The following RNF44 variants were observed in gnomAD, a reference collection of about 807,000 sequenced individuals.
RNF44 encodes ring finger protein 44.
Under a neutral mutation model 53.6 loss-of-function variants are expected in RNF44, and 25 were observed. The ratio of observed to expected loss-of-function variants is 0.47; its 90% confidence interval spans 0.34 to 0.65. RNF44 has a LOEUF of 0.65. Ranked by LOEUF, RNF44 falls within the 30% of genes least tolerant of loss-of-function variation. RNF44 has a pLI of 0.01. For synonymous variants in RNF44, 282 were observed against 252.2 expected (o/e 1.12, Z -1.12); for missense variants, 581 against 595.5 (o/e 0.98, Z 0.25).
At chr5:176,537,795 C>T (rs889484553), upstream of RNF44, 3 of 152,244 alleles carry the variant, frequency 2.0e-5, no homozygotes, top group Non-Finnish European at 4.4e-5. Flanking sequence ...ATGGGTCTGA[C>T]CTCTGACGGG....
Position 176,533,149 on chromosome 5 carries a change from G to C in RNF44, c.-44-633C>G, listed in dbSNP as rs1034321036. On this transcript the variant is annotated intron_variant, in intron 1 of 10. Coordinates refer to ENST00000274811, the MANE Select transcript of RNF44 (RefSeq NM_014901.5). ...AACTTGGCCTCCAGGCGGCAGCTGG[G>C]GGTTCCTGAGGAGGGTCCACATCCT... Among the ~76,000 whole-genome samples, 3 of 152,192 alleles carry C rather than the reference G, an allele frequency of 2.0e-5. No homozygotes were observed. In the East Asian group the frequency reaches 5.8e-4, roughly 29 times the overall value.
chr5:176,528,757 G>A lies in RNF44; in HGVS notation c.*271C>T, dbSNP rs951585225. On this transcript the variant is annotated 3_prime_UTR_variant, in exon 11 of 11. Transcript: ENST00000274811. ...CAGCAGGAAAAGGAGGGACCTGAGG[G>A]TGCACAGGAGGGAGACCCGATCAGG... The A allele has an allele frequency of 2.8e-5, 15 of 543,510 alleles. No homozygotes were observed. In the Admixed American group the frequency reaches 4.1e-4, roughly 15 times the overall value. 33.7% of individuals were successfully genotyped at this position (543,510 alleles called of 1,614,324 possible). A position where few individuals can be genotyped will look rare whatever the true frequency, so the allele number is the denominator to read the frequency against.
Position 176,531,403 on chromosome 5 carries a change from C to T in RNF44, c.465+60G>A, listed in dbSNP as rs1377177783. On this transcript the variant is annotated intron_variant, in intron 4 of 10. Transcript: ENST00000274811. This position sits in a 1 kb window ranked among gnomAD's most constrained non-coding sequence, Gnocchi z 4.2. The stretch of plus-strand genomic sequence containing the variant: ...TCAGGGCTGCCCTGGGCCCGCTGAG[C>T]CGCTGGCCTGTGCCTGGGGCTTGCA... The T allele has an allele frequency of 4.7e-6, 7 of 1,499,684 alleles. No homozygotes were observed. Among genetic ancestry groups the T allele is most frequent in the South Asian group, 1.3e-5 (1 of 78,448 alleles). The allele number at this position is 1,499,684 out of a possible 1,614,324, so 92.9% of individuals were successfully genotyped here.
upstream of RNF44, among the ~76,000 whole-genome samples, chr5:176,542,126 C>A (rs541394911): frequency 6.6e-6 from 1 of 152,292 alleles, no homozygotes; most frequent in East Asian, 1.9e-4. Context: ...AGTTTTGAGA[C>A]CTTGGGTGAG....
At position 176,528,768 on chromosome 5, in the gene RNF44, G is replaced by C; in HGVS notation, c.*260C>G. ...GGAGGGACCTGAGGGTGCACAGGAGGGAGACCCGATCAGGGACACTCAGGC... is the reference window on the plus strand; with the variant it reads ...GGAGGGACCTGAGGGTGCACAGGAGCGAGACCCGATCAGGGACACTCAGGC... On this transcript the variant is annotated 3_prime_UTR_variant, in exon 11 of 11. Transcript: ENST00000274811. The C allele has an allele frequency of 1.8e-6, 1 of 564,510 alleles. No homozygotes were observed. The allele number at this position is 564,510 out of a possible 1,614,324, so 35.0% of individuals were successfully genotyped here.
chr5:176,538,158 G>T (rs1164036411), upstream of RNF44: 1 of 152,236 alleles, frequency 6.6e-6, no homozygotes, highest in Non-Finnish European at 1.5e-5. Flanking sequence ...GGCGCTGGGC[G>T]CTCTAGCTGC....
rs954798046 is a variant in RNF44, at chr5:176,537,394, T to C, written c.-499A>G. 6.6e-6 allele frequency: 1 copy of C among 152,034 alleles called. No homozygotes were observed. Among genetic ancestry groups the C allele is most frequent in the Non-Finnish European group, 1.5e-5 (1 of 67,964 alleles). The allele number at this position is 152,034 out of a possible 1,614,324, so 9.4% of individuals were successfully genotyped here. ...GAGGCTCCGGCAAACAGTAGCCCGC[T>C]GCAAGCCCGCAGGGGCCCCGCCCCG... is the stretch of plus-strand genomic sequence containing the variant. On this transcript the variant is annotated 5_prime_UTR_variant, in exon 1 of 11. Coordinates refer to ENST00000274811, the MANE Select transcript of RNF44 (RefSeq NM_014901.5).
rs1757295208 is a variant in RNF44, at chr5:176,537,393, C to G, written c.-498G>C. 1 of 152,114 alleles carries G rather than the reference C, an allele frequency of 6.6e-6. No homozygotes were observed. The highest frequency in any genetic ancestry group is 1.5e-5 in the Non-Finnish European group (1 of 67,990). 9.4% of individuals were successfully genotyped at this position (152,114 alleles called of 1,614,324 possible). A position where few individuals can be genotyped will look rare whatever the true frequency, so the allele number is the denominator to read the frequency against. Reference sequence around the variant, plus strand: ...GGAGGCTCCGGCAAACAGTAGCCCGCTGCAAGCCCGCAGGGGCCCCGCCCC... The same window carrying G: ...GGAGGCTCCGGCAAACAGTAGCCCGGTGCAAGCCCGCAGGGGCCCCGCCCC... On this transcript the variant is annotated 5_prime_UTR_variant, in exon 1 of 11. Coordinates refer to ENST00000274811, the MANE Select transcript of RNF44 (RefSeq NM_014901.5).
At chr5:176,538,425 C>T (rs1178073001), upstream of RNF44, among the ~76,000 whole-genome samples, 1 of 152,124 alleles carries the variant, frequency 6.6e-6, no homozygotes, top group Non-Finnish European at 1.5e-5. Context: ...TCCTTTGCCT[C>T]GAAGCCCACC....
chr5:176,537,909 T>G (rs1035665771), upstream of RNF44: 2 of 152,162 alleles, frequency 1.3e-5, no homozygotes, highest in South Asian at 2.1e-4. Context: ...GCTGACATCA[T>G]GGCCCGGCCG....
chr5:176,536,197 G>A (rs1757156055), intron 1 of RNF44: 1 of 152,272 alleles, frequency 6.6e-6, no homozygotes, highest in Non-Finnish European at 1.5e-5. Context: ...GGTGCCTGGA[G>A]GCCGCTGAGG....
chr5:176,539,847 T>C (rs892903607), upstream of RNF44, among the ~76,000 whole-genome samples: 2 of 152,126 alleles, frequency 1.3e-5, no homozygotes, highest in Non-Finnish European at 2.9e-5. Context: ...TGCCCGAACT[T>C]TTCAGGCTCG....
At chr5:176,539,566 T>C (rs1425080272), upstream of RNF44, among the ~76,000 whole-genome samples, 1 of 152,108 alleles carries the variant, frequency 6.6e-6, no homozygotes, top group African/African-American at 2.4e-5. Flanking sequence ...CATGCACTTG[T>C]AGTCCCAGCC....
At chr5:176,533,119 G>A (rs756091476) in intron 1 of RNF44, among the ~76,000 whole-genome samples, 26 of 152,178 alleles carry the variant, frequency 1.7e-4, no homozygotes, top group Non-Finnish European at 2.6e-4. Context: ...TACACCAGGG[G>A]CTACAACTTG....
chr5:176,530,871 G>T lies in RNF44; in HGVS notation c.616C>A (p.Leu206Met). Reference protein sequence around the residue: ...HMAPLGQFVSLQTQHPRMPLQ... With the variant: ...HMAPLGQFVSMQTQHPRMPLQ... ...ACCATCCGAGGGTGCTGGGTCTGCA[G>T]AGACACAAACTGCCCCAGGGGCGCC... Residue 206 changes from leucine to methionine, a missense_variant, in exon 5 of 11, where the codon CTG becomes ATG. Leu to Met is a conservative substitution (Grantham distance 15, BLOSUM62 2). This residue lies in a region of RNF44 where 387 missense variants were observed against 366.0 expected (regional missense o/e 1.06). Coordinates refer to ENST00000274811, the MANE Select transcript of RNF44 (RefSeq NM_014901.5). 1 of 1,052,702 alleles carries T rather than the reference G, an allele frequency of 9.5e-7. No homozygotes were observed. The allele number at this position is 1,052,702 out of a possible 1,614,324, so 65.2% of individuals were successfully genotyped here. A position where few individuals can be genotyped will look rare whatever the true frequency, so the allele number is the denominator to read the frequency against.
At chr5:176,542,936 G>A (rs1048475845), upstream of RNF44, among the ~76,000 whole-genome samples, 19 of 152,230 alleles carry the variant, frequency 1.2e-4, no homozygotes, top group African/African-American at 4.6e-4. Context: ...CCGGCTCGCG[G>A]TGCCGGACGC....
Position 176,528,550 on chromosome 5 carries a change from T to C in RNF44, c.*478A>G. ...GGGTCAAGGAGGGGGGATTCAGCCC[T>C]GGGGCTCAGGAAATGGCTCGTGACA... On this transcript the variant is annotated 3_prime_UTR_variant, in exon 11 of 11. Coordinates refer to ENST00000274811, the MANE Select transcript of RNF44 (RefSeq NM_014901.5). 1 of 163,212 alleles carries C rather than the reference T, an allele frequency of 6.1e-6. No individual in the cohort carries two copies. Among genetic ancestry groups the C allele is most frequent in the Non-Finnish European group, 1.3e-5 (1 of 75,228 alleles). 10.1% of individuals were successfully genotyped at this position (163,212 alleles called of 1,614,324 possible).
intron 1 of RNF44, among the ~76,000 whole-genome samples, chr5:176,535,248 T>C (rs1186478633): frequency 5.9e-5 from 9 of 152,186 alleles, no homozygotes; most frequent in African/African-American, 2.2e-4. Flanking sequence ...CAGTTTCCCA[T>C]CAAGGACTGC....
At chr5:176,541,613 A>G (rs2963294), upstream of RNF44, among the ~76,000 whole-genome samples, 135,899 of 152,082 alleles carry the variant, frequency 0.89, 60,933 homozygotes, top group Non-Finnish European at 0.93. Flanking sequence ...GCAGTGGGGA[A>G]GGGCTTGGGC....
Sources: allele counts gnomAD v4.1 joint callset (sites outside exome capture counted in the v4.1 genomes callset), GRCh38; gene constraint gnomAD v4.1.1; regional missense constraint gnomAD v4.1.1; non-coding constraint Gnocchi (gnomAD v3.1); transcripts MANE v1.5; gene names NCBI Gene and HGNC (gene_info 2026-07-23, HGNC 2026-07-21).